DDB2: variants seen among roughly 807,000 people sequenced by gnomAD.
The protein encoded by DDB2 is DNA damage-binding protein 2.
A neutral mutation model predicts 50.5 loss-of-function variants in DDB2; 27 were observed. The observed-to-expected ratio is 0.53, with a 90% CI of 0.39 to 0.74. DDB2 has a LOEUF of 0.74. DDB2 is among the 30% of genes least tolerant of loss of function. The pLI is 0.00. For missense variants in DDB2, 424 were observed against 545.6 expected (o/e 0.78, Z 2.22); for synonymous variants, 176 against 205.5 (o/e 0.86, Z 1.23).
At chr11:47,216,581 G>T in intron 2 of DDB2, 109 bp downstream of exon 2, 1 of 1,497,160 alleles carries the variant, frequency 6.7e-7, no homozygotes, top group Non-Finnish European at 9.2e-7. Context: ...AGAGTGGTCC[G>T]ATCACCCAGA....
At chr11:47,231,110 C>A (rs1267354343) in intron 3 of DDB2, among the ~76,000 whole-genome samples, 69 of 117,538 alleles carry the variant, frequency 5.9e-4, no homozygotes, top group African/African-American at 2.0e-3. Flanking sequence ...ACAGAGCAAG[C>A]CTTCATCTCA....
chr11:47,215,071 A>G lies in DDB2; in HGVS notation c.-66A>G, dbSNP rs1217371904. ...TAGTCCCCGCCTTGTTTCTCCCCAG[A>G]GGCCTCTCAATCCTCCCTCCATGAT... On this transcript the variant is annotated 5_prime_UTR_variant, in exon 1 of 10. Transcript: ENST00000256996. 5 of 1,612,144 alleles carry G rather than the reference A, an allele frequency of 3.1e-6. No homozygotes were observed. The highest frequency in any genetic ancestry group is 1.1e-5 in the South Asian group (1 of 91,020).
chr11:47,233,521 C>G (rs1288741630), intron 4 of DDB2: 1 of 177,500 alleles, frequency 5.6e-6, no homozygotes, highest in Non-Finnish European at 1.2e-5. Flanking sequence ...GCCTGGCCAA[C>G]ATGGTGAAAC....
intron 1 of DDB2, 31 bp downstream of exon 1, chr11:47,215,294 C>A: frequency 6.2e-7 from 1 of 1,613,384 alleles, no homozygotes; most frequent in Non-Finnish European, 8.5e-7. Flanking sequence ...TTGAATATTT[C>A]CGCCTTTTAG....
chr11:47,229,968 G>A (rs894221186), intron 3 of DDB2, among the ~76,000 whole-genome samples: 2 of 151,568 alleles, frequency 1.3e-5, no homozygotes, highest in East Asian at 1.9e-4. Flanking sequence ...ATAGCTATGA[G>A]CACAGGTGTG....
At chr11:47,229,514 G>A (rs1318083409) in intron 3 of DDB2, among the ~76,000 whole-genome samples, 2 of 152,140 alleles carry the variant, frequency 1.3e-5, no homozygotes, top group African/African-American at 4.8e-5. Flanking sequence ...CATTTGGGGA[G>A]TGTGTGGCAG....
At chr11:47,238,655 C>T in intron 9 of DDB2, 145 bp from the exon 10 acceptor site, 1 of 793,648 alleles carries the variant, frequency 1.3e-6, no homozygotes, top group African/African-American at 1.7e-5. Context: ...ACCTCAGCCT[C>T]CCAAAGTGCT....
At chr11:47,223,408 G>A (rs1459996910) in intron 3 of DDB2, among the ~76,000 whole-genome samples, 2 of 151,882 alleles carry the variant, frequency 1.3e-5, no homozygotes, top group Admixed American at 6.6e-5. Flanking sequence ...TCTTGAACCT[G>A]GGAGGCAGAG....
chr11:47,236,666 T>A (rs1265094970), intron 7 of DDB2, among the ~76,000 whole-genome samples: 1 of 152,260 alleles, frequency 6.6e-6, no homozygotes, highest in African/African-American at 2.4e-5. Flanking sequence ...CTTGGCCCCA[T>A]GCCCAGCACC....
At chr11:47,228,636 C>G (rs1309904040) in intron 3 of DDB2, among the ~76,000 whole-genome samples, 1 of 137,370 alleles carries the variant, frequency 7.3e-6, no homozygotes, top group African/African-American at 2.8e-5. Context: ...GCATGGGACT[C>G]TGTCTCAAAA....
At chr11:47,233,226 G>C (rs1215169678) in intron 4 of DDB2, 2 of 506,434 alleles carry the variant, frequency 3.9e-6, no homozygotes, top group Non-Finnish European at 7.2e-6. Flanking sequence ...ACCCTCACTA[G>C]ATAAGCCAGC....
chr11:47,236,818 G>A (rs76229852), intron 7 of DDB2, among the ~76,000 whole-genome samples: 5,207 of 152,294 alleles, frequency 0.034, 122 homozygotes, highest in South Asian at 0.12. Flanking sequence ...CAGTGTTCCC[G>A]ATAATCCATC....
At chr11:47,227,687 G>A (rs553436685) in intron 3 of DDB2, among the ~76,000 whole-genome samples, 1 of 152,014 alleles carries the variant, frequency 6.6e-6, no homozygotes, top group South Asian at 2.1e-4. Context: ...ATTTTTAATA[G>A]TTAAACCAAC....
At chr11:47,233,222 A>G in intron 4 of DDB2, 1 of 513,788 alleles carries the variant, frequency 1.9e-6, no homozygotes, top group Admixed American at 3.2e-5. Context: ...CTTGACCCTC[A>G]CTAGATAAGC....
chr11:47,214,892 C>G (rs1241019600), upstream of DDB2: 1 of 567,178 alleles, frequency 1.8e-6, no homozygotes, highest in Non-Finnish European at 3.1e-6. Flanking sequence ...GGCACCGCCC[C>G]TTGGCACCAC....
intron 3 of DDB2, among the ~76,000 whole-genome samples, chr11:47,218,411 G>C (rs1953431818): frequency 1.3e-5 from 2 of 152,216 alleles, no homozygotes; most frequent in South Asian, 4.1e-4. Flanking sequence ...CAGATGCCAA[G>C]TGCTACAGAA....
At chr11:47,234,704 C>A in intron 5 of DDB2, 32 bp downstream of exon 5, 1 of 1,613,842 alleles carries the variant, frequency 6.2e-7, no homozygotes, top group South Asian at 1.1e-5. Context: ...CTTTCCCTCC[C>A]TCACCCCCAC....
intron 3 of DDB2, among the ~76,000 whole-genome samples, chr11:47,226,673 A>G (rs945023142): frequency 7.3e-5 from 11 of 149,990 alleles, no homozygotes; most frequent in Admixed American, 1.3e-4. Context: ...GAGCATCTTT[A>G]CGTGTGCTTC....
intron 3 of DDB2, among the ~76,000 whole-genome samples, chr11:47,222,078 C>T (rs996162258): frequency 6.6e-6 from 1 of 152,166 alleles, no homozygotes; most frequent in Non-Finnish European, 1.5e-5. Flanking sequence ...ATTAAAATAA[C>T]TCCCATTTCC....
Sources: gnomAD v4.1 joint callset for allele counts (sites outside exome capture counted in the v4.1 genomes callset) on GRCh38, gnomAD v4.1.1 for gene constraint, MANE v1.5 for transcripts, NCBI Gene and HGNC (gene_info 2026-07-23, HGNC 2026-07-21) for gene names.